PRKAR1A: variants seen among roughly 807,000 people sequenced by gnomAD.
PRKAR1A encodes the protein cAMP-dependent protein kinase type I-alpha regulatory subunit.
Under a neutral mutation model 52.0 loss-of-function variants are expected in PRKAR1A, and 3 were observed. That is an observed-to-expected ratio of 0.06 (90% CI 0.03 to 0.15). PRKAR1A has a LOEUF of 0.15. Ranked by LOEUF, PRKAR1A falls within the 10% of genes least tolerant of loss-of-function variation. The probability of loss-of-function intolerance (pLI) is 1.00; values close to 1 mark genes in which losing one functional copy is unlikely to be tolerated. For synonymous variants in PRKAR1A, 188 were observed against 168.4 expected, an observed-to-expected ratio of 1.12 and a Z score of -0.90; for missense variants, 240 against 477.4, an observed-to-expected ratio of 0.50 and a Z score of 4.63.
At chr17:68,541,827 C>T (rs1647791959) in intron 11 of PRKAR1A, 1 of 847,508 alleles carries the variant, frequency 1.2e-6, no homozygotes, top group Non-Finnish European at 1.8e-6. Flanking sequence ...AAGGGGAGAA[C>T]AGACCCAGGC....
chr17:68,536,261 A>G (rs1284886983), downstream of PRKAR1A: 3 of 453,844 alleles, frequency 6.6e-6, no homozygotes, highest in Non-Finnish European at 1.3e-5. Flanking sequence ...CAGTATTTGA[A>G]CTCTGGCCTT....
chr17:68,415,910 A>G, the PRKAR1A span, among the ~76,000 whole-genome samples: 1 of 152,146 alleles, frequency 6.6e-6, no homozygotes, highest in East Asian at 1.9e-4. Context: ...GCGAGTCCTT[A>G]TATGTTAGAT....
At chr17:68,540,921 GT>G in intron 11 of PRKAR1A, 1 of 1,600,836 alleles carries the variant, frequency 6.2e-7, no homozygotes, top group Non-Finnish European at 8.5e-7. Flanking sequence ...GGGTAGATCT[GT>G]TTCACTGTGT....
rs2143320681 is a variant in PRKAR1A, at chr17:68,525,738, G to T, written c.550-16G>T. The T allele has an allele frequency of 6.2e-7, 1 of 1,613,432 alleles. No homozygotes were observed. On this transcript the variant is annotated splice_polypyrimidine_tract_variant and intron_variant, in intron 6 of 10. Coordinates refer to ENST00000589228, the MANE Select transcript of PRKAR1A (RefSeq NM_002734.5). ...TATCTAGAAAATAAACTTTTTTGAT[G>T]TCACTTGCACTTTAGGTCTATGTTA...
chr17:68,538,785 A>G (rs1191237533), intron 11 of PRKAR1A, among the ~76,000 whole-genome samples: 2 of 152,256 alleles, frequency 1.3e-5, no homozygotes, highest in African/African-American at 2.4e-5. Flanking sequence ...AAAGTTGGCA[A>G]TTGAAAGGTT....
intron 9 of PRKAR1A, 75 bp from the exon 10 acceptor site, chr17:68,529,845 T>C: frequency 7.3e-7 from 1 of 1,373,698 alleles, no homozygotes; most frequent in Non-Finnish European, 1.0e-6. Flanking sequence ...TAGTTAAAAT[T>C]GCATAGGATG....
downstream of PRKAR1A, among the ~76,000 whole-genome samples, chr17:68,533,731 C>G (rs1032795500): frequency 6.6e-6 from 1 of 152,102 alleles, no homozygotes; most frequent in Non-Finnish European, 1.5e-5. Context: ...GTCTATTTGT[C>G]TATTTATCGA....
intron 11 of PRKAR1A, among the ~76,000 whole-genome samples, chr17:68,550,386 TTTTTTTTTTTA>T (rs1166205803): frequency 5.8e-5 from 8 of 138,074 alleles, no homozygotes; most frequent in African/African-American, 2.3e-4. Flanking sequence ...TTTTTTTTTT[TTTTTTTTTTTA>T]AGATAGAGAG....
At chr17:68,429,008 C>A in the PRKAR1A span, 237 of 1,128,520 alleles carry the variant, frequency 2.1e-4, no homozygotes, top group Non-Finnish European at 2.9e-4. Flanking sequence ...AATGACAAAG[C>A]CCCCCTCACC....
the PRKAR1A span, among the ~76,000 whole-genome samples, chr17:68,505,277 C>G: frequency 5.8e-4 from 88 of 152,066 alleles, no homozygotes; most frequent in African/African-American, 2.0e-3. Context: ...GGTGGCAGAG[C>G]CAGACTCTGT....
At chr17:68,509,336 A>G (rs181899916), upstream of PRKAR1A, among the ~76,000 whole-genome samples, 1 of 152,156 alleles carries the variant, frequency 6.6e-6, no homozygotes, top group Non-Finnish European at 1.5e-5. Context: ...CTAATTTTTA[A>G]AATTTTTTTG....
At position 68,527,828 on chromosome 17, in the gene PRKAR1A, T is replaced by G. The variant is rs2143350118; in HGVS notation, c.709-12T>G. 3 of 1,603,730 alleles carry G rather than the reference T, an allele frequency of 1.9e-6. No individual in the cohort carries two copies. The highest frequency in any genetic ancestry group is 2.6e-6 in the Non-Finnish European group (3 of 1,171,190). On this transcript the variant is annotated splice_polypyrimidine_tract_variant and intron_variant, in intron 7 of 10. Transcript: ENST00000589228. The stretch of plus-strand genomic sequence containing the variant: ...GTCTTGGGGATATCACTTTTGTTAT[T>G]TTTATTTTTAGGGAAGCACACTGAG...
At chr17:68,436,087 C>T in the PRKAR1A span, among the ~76,000 whole-genome samples, 2 of 152,268 alleles carry the variant, frequency 1.3e-5, no homozygotes, top group Non-Finnish European at 2.9e-5. Context: ...TGCACACTGT[C>T]TCAGGCTGTG....
the PRKAR1A span, chr17:68,450,843 A>C: frequency 6.2e-7 from 1 of 1,614,134 alleles, no homozygotes; most frequent in Non-Finnish European, 8.5e-7. Flanking sequence ...ACTGACTACC[A>C]CCACCAGGCT....
chr17:68,500,967 TC>T, the PRKAR1A span, among the ~76,000 whole-genome samples: 5 of 152,232 alleles, frequency 3.3e-5, no homozygotes, highest in Admixed American at 2.0e-4. Flanking sequence ...CTGTATATTT[TC>T]CCTGTGCCTT....
At chr17:68,491,166 A>G in the PRKAR1A span, among the ~76,000 whole-genome samples, 1 of 149,882 alleles carries the variant, frequency 6.7e-6, no homozygotes, top group Non-Finnish European at 1.5e-5. Context: ...ATCTCAGCTC[A>G]CTGCAACGTC....
intron 11 of PRKAR1A, among the ~76,000 whole-genome samples, chr17:68,547,276 TA>T (rs1235292543): frequency 5.9e-5 from 9 of 152,324 alleles, no homozygotes; most frequent in East Asian, 1.9e-4. Context: ...TTATTATTAT[TA>T]TTTTTTTATT....
intron 11 of PRKAR1A, among the ~76,000 whole-genome samples, chr17:68,540,231 C>G (rs1360181941): frequency 6.6e-6 from 1 of 152,180 alleles, no homozygotes; most frequent in Non-Finnish European, 1.5e-5. Flanking sequence ...CAGCCTTTGG[C>G]CAGAGATTTG....
At chr17:68,497,703 A>G in the PRKAR1A span, among the ~76,000 whole-genome samples, 1 of 152,188 alleles carries the variant, frequency 6.6e-6, no homozygotes, top group Non-Finnish European at 1.5e-5. Flanking sequence ...ATGAAAAAAA[A>G]CTGAAGCTTA....
Sources: allele counts gnomAD v4.1 joint callset (sites outside exome capture counted in the v4.1 genomes callset), GRCh38; gene constraint gnomAD v4.1.1; transcripts MANE v1.5; gene names NCBI Gene and HGNC (gene_info 2026-07-23, HGNC 2026-07-21).